Variants in CDC42EP1 observed in about 807,000 individuals in gnomAD.
The protein encoded by CDC42EP1 is 55 kDa bone marrow stromal/endothelial cell protein.
In CDC42EP1, 6 loss-of-function variants were observed where a neutral mutation model predicts 7.4. That is an observed-to-expected ratio of 0.81 (90% CI 0.44 to 1.60). The LOEUF is 1.60. CDC42EP1 is among the 40% of genes most tolerant of loss of function. CDC42EP1 has a pLI of 0.01. For synonymous variants in CDC42EP1, 238 were observed against 227.1 expected (o/e 1.05, Z -0.43); for missense variants, 567 against 539.0 (o/e 1.05, Z -0.51).
At chr22:37,561,506 C>T (rs1925039615) in intron 1 of CDC42EP1, among the ~76,000 whole-genome samples, 1 of 152,244 alleles carries the variant, frequency 6.6e-6, no homozygotes, top group African/African-American at 2.4e-5. Context: ...ATACGGAGGA[C>T]CGGGTCCCCT....
At chr22:37,560,818 G>C (rs890965381) in intron 1 of CDC42EP1, among the ~76,000 whole-genome samples, 2 of 152,022 alleles carry the variant, frequency 1.3e-5, no homozygotes, top group African/African-American at 4.8e-5. Flanking sequence ...TGGTGGAGGG[G>C]GCAGAGGATC....
chr22:37,567,209 G>C (rs1925277428), intron 2 of CDC42EP1, among the ~76,000 whole-genome samples: 1 of 152,112 alleles, frequency 6.6e-6, no homozygotes, highest in African/African-American at 2.4e-5. Flanking sequence ...CTGAATTTCA[G>C]GAAGTCAGTT....
In CDC42EP1 at chr22:37,568,832, A is replaced by C; in HGVS notation, c.*12A>C. 6.9e-7 allele frequency: 1 copy of C among 1,448,552 alleles called. No individual in the cohort carries two copies. Among genetic ancestry groups the C allele is most frequent in the Non-Finnish European group, 9.1e-7 (1 of 1,094,864 alleles). The allele number at this position is 1,448,552 out of a possible 1,614,324, so 89.7% of individuals were successfully genotyped here. ...AGGTCAAGGTGTGAGGGGCTGGGGC[A>C]CGGTCCCAGGGCCCCACCTAGGTGC... On this transcript the variant is annotated 3_prime_UTR_variant, in exon 3 of 3. Transcript: ENST00000249014.
In CDC42EP1 at chr22:37,563,940, G is replaced by A. The variant is rs11912966; in HGVS notation, c.-278-2132G>A. On this transcript the variant is annotated intron_variant, in intron 1 of 2. Coordinates refer to ENST00000249014, the MANE Select transcript of CDC42EP1 (RefSeq NM_152243.3). Reference sequence around the variant, plus strand: ...GGCACTTGTTAAGTGCAGAGCCCAAGCTAGATGCCCAAGGGAGAAAGGCAG... The same window carrying A: ...GGCACTTGTTAAGTGCAGAGCCCAAACTAGATGCCCAAGGGAGAAAGGCAG... Among the ~76,000 whole-genome samples the A allele has an allele frequency of 2.8e-3, 429 of 152,300 alleles. 2 individuals are homozygous for A. Among genetic ancestry groups the A allele is most frequent in the African/African-American group, 9.7e-3 (404 of 41,568 alleles).
chr22:37,560,560 T>G lies in CDC42EP1; in HGVS notation c.-307T>G, dbSNP rs1924996087. ...GCTGCAGACGACGAGTCCGCCCTCG[T>G]CCCGCGCCCCCGGGGCTCGCGGAGC... On this transcript the variant is annotated 5_prime_UTR_variant, in exon 1 of 3. Transcript: ENST00000249014. 6.7e-6 allele frequency: 1 copy of G among 148,548 alleles called. No individual in the cohort carries two copies. Among genetic ancestry groups the G allele is most frequent in the Non-Finnish European group, 1.5e-5 (1 of 66,800 alleles). 9.2% of individuals were successfully genotyped at this position (148,548 alleles called of 1,614,324 possible). A position where few individuals can be genotyped will look rare whatever the true frequency, so the allele number is the denominator to read the frequency against.
intron 1 of CDC42EP1, among the ~76,000 whole-genome samples, chr22:37,563,978 G>A (rs1300726650): frequency 2.0e-5 from 3 of 152,170 alleles, no homozygotes; most frequent in Non-Finnish European, 4.4e-5. Context: ...AAATCCAGGC[G>A]GCCTCCCCAC....
chr22:37,564,116 T>C (rs1925140946), intron 1 of CDC42EP1, among the ~76,000 whole-genome samples: 1 of 152,170 alleles, frequency 6.6e-6, no homozygotes, highest in Admixed American at 6.6e-5. Context: ...TAGCCAGCTT[T>C]GCCCTCAGTG....
In CDC42EP1 at chr22:37,560,543, C is replaced by T. The variant is rs1016341710; in HGVS notation, c.-324C>T. 6.7e-6 allele frequency: 1 copy of T among 150,120 alleles called. No homozygotes were observed. The allele number at this position is 150,120 out of a possible 1,614,324, so 9.3% of individuals were successfully genotyped here. A position where few individuals can be genotyped will look rare whatever the true frequency, so the allele number is the denominator to read the frequency against. On this transcript the variant is annotated 5_prime_UTR_variant, in exon 1 of 3. In the 5' UTR this introduces an upstream ATG that the reference lacks. Transcript: ENST00000249014. ...GACGCGCGGCCGCCGCCGCTGCAGA[C>T]GACGAGTCCGCCCTCGTCCCGCGCC...
intron 2 of CDC42EP1, among the ~76,000 whole-genome samples, chr22:37,567,559 A>G (rs949021758): frequency 6.6e-6 from 1 of 152,090 alleles, no homozygotes; most frequent in Non-Finnish European, 1.5e-5. Context: ...TCAGAACCGC[A>G]CTGAGGACTG....
chr22:37,562,204 A>T (rs1925067384), intron 1 of CDC42EP1, among the ~76,000 whole-genome samples: 1 of 152,158 alleles, frequency 6.6e-6, no homozygotes, highest in Non-Finnish European at 1.5e-5. Flanking sequence ...GGCATTTACC[A>T]GCAATGTTGG....
intron 1 of CDC42EP1, among the ~76,000 whole-genome samples, chr22:37,561,847 C>G (rs961805783): frequency 6.6e-6 from 1 of 152,202 alleles, no homozygotes; most frequent in Admixed American, 6.5e-5. Flanking sequence ...CGCCCCCGCT[C>G]TCCTTCAGAC....
intron 1 of CDC42EP1, among the ~76,000 whole-genome samples, chr22:37,563,207 T>C (rs5995463): frequency 0.42 from 64,345 of 151,944 alleles, 14,815 homozygotes; most frequent in African/African-American, 0.61. Flanking sequence ...GGAACACCCT[T>C]CCCGCTCCCA....
Position 37,568,324 on chromosome 22 carries a change from C to G in CDC42EP1, c.680C>G (p.Pro227Arg), listed in dbSNP as rs1925326733. The change falls in exon 3 of 3, where the codon CCC becomes CGC. Residue 227 changes from proline to arginine, a missense_variant. By Grantham distance (103) the Pro-to-Arg change is moderately radical. Coordinates refer to ENST00000249014, the MANE Select transcript of CDC42EP1 (RefSeq NM_152243.3). Reference sequence around the variant, plus strand: ...GCCCCTGCAGCTGAGACTCCAGCCCCCGCTGCAAACCCCCCAGCCCCTACT... The same window carrying G: ...GCCCCTGCAGCTGAGACTCCAGCCCGCGCTGCAAACCCCCCAGCCCCTACT... ...PEAPAAETPA[P>R]AANPPAPTAN... is the part of the protein sequence containing the mutation. 6.2e-6 allele frequency: 10 copies of G among 1,610,518 alleles called. No individual in the cohort carries two copies. The East Asian group carries it at 1.6e-4, about 25-fold the overall frequency.
In CDC42EP1 at chr22:37,560,575, G is replaced by T. The variant is rs1390077781; in HGVS notation, c.-292G>T. The T allele has an allele frequency of 6.7e-6, 1 of 150,108 alleles. No homozygotes were observed. The highest frequency in any genetic ancestry group is 2.4e-5 in the African/African-American group (1 of 41,196). The allele number at this position is 150,108 out of a possible 1,614,324, so 9.3% of individuals were successfully genotyped here. The stretch of plus-strand genomic sequence containing the variant: ...TCCGCCCTCGTCCCGCGCCCCCGGG[G>T]CTCGCGGAGCCAGGTAACAGCCCGG... On this transcript the variant is annotated 5_prime_UTR_variant, in exon 1 of 3. Coordinates refer to ENST00000249014, the MANE Select transcript of CDC42EP1 (RefSeq NM_152243.3).
rs372474822 is a variant in CDC42EP1, at chr22:37,568,784, T to C, written c.1140T>C (p.Phe380=). The C allele has an allele frequency of 6.7e-7, 1 of 1,496,304 alleles. No individual in the cohort carries two copies. Among genetic ancestry groups the C allele is most frequent in the South Asian group, 1.4e-5 (1 of 71,806 alleles). 92.7% of individuals were successfully genotyped at this position (1,496,304 alleles called of 1,614,324 possible). ...CAGTGCAAGCAAACACCTTTGAATTTGCGGATGCTGAGGAGGATGATGAGG... is the reference window on the plus strand; with the variant it reads ...CAGTGCAAGCAAACACCTTTGAATTCGCGGATGCTGAGGAGGATGATGAGG... ...PSTVQANTFE[F]ADAEEDDEVK... The change falls in exon 3 of 3, where the codon TTT becomes TTC. Residue 380 remains phenylalanine, a synonymous_variant. Coordinates refer to ENST00000249014, the MANE Select transcript of CDC42EP1 (RefSeq NM_152243.3).
intron 1 of CDC42EP1, among the ~76,000 whole-genome samples, chr22:37,564,057 G>A (rs1925139655): frequency 6.6e-6 from 1 of 152,248 alleles, no homozygotes; most frequent in Non-Finnish European, 1.5e-5. Flanking sequence ...GCTTATGTGA[G>A]TCAGAGGCTC....
Position 37,566,281 on chromosome 22 carries a change from A to T in CDC42EP1, c.-69A>T. On this transcript the variant is annotated 5_prime_UTR_variant, in exon 2 of 3. Coordinates refer to ENST00000249014, the MANE Select transcript of CDC42EP1 (RefSeq NM_152243.3). The surrounding 1 kb of genome is among the most constrained non-coding windows in gnomAD (Gnocchi z 6.4). ...GGCAAAGGAGCTGAGCAGCCATCCC[A>T]AGCCCAGCCCACCTCCCTCCCCCGG... 1 of 861,736 alleles carries T rather than the reference A, an allele frequency of 1.2e-6. No homozygotes were observed. Among genetic ancestry groups the T allele is most frequent in the Non-Finnish European group, 1.7e-6 (1 of 575,486 alleles). 53.4% of individuals were successfully genotyped at this position (861,736 alleles called of 1,614,324 possible).
chr22:37,566,304 C>G lies in CDC42EP1; in HGVS notation c.-46C>G. 9.3e-7 allele frequency: 1 copy of G among 1,072,782 alleles called. No homozygotes were observed. The highest frequency in any genetic ancestry group is 1.3e-6 in the Non-Finnish European group (1 of 783,134). The allele number at this position is 1,072,782 out of a possible 1,614,324, so 66.5% of individuals were successfully genotyped here. A position where few individuals can be genotyped will look rare whatever the true frequency, so the allele number is the denominator to read the frequency against. On this transcript the variant is annotated 5_prime_UTR_variant, in exon 2 of 3. Transcript: ENST00000249014. This position sits in a 1 kb window ranked among gnomAD's most constrained non-coding sequence, Gnocchi z 6.4. ...CCAAGCCCAGCCCACCTCCCTCCCC[C>G]GGCCCCTGGTAGGCATGGACTAGCA...
chr22:37,562,073 G>T (rs1363062359), intron 1 of CDC42EP1, among the ~76,000 whole-genome samples: 1 of 152,190 alleles, frequency 6.6e-6, no homozygotes, highest in Non-Finnish European at 1.5e-5. Context: ...CAGTGAATCT[G>T]CAGAGCTGGG....
Sources: allele counts gnomAD v4.1 joint callset (sites outside exome capture counted in the v4.1 genomes callset), GRCh38; gene constraint gnomAD v4.1.1; non-coding constraint Gnocchi (gnomAD v3.1); transcripts MANE v1.5; gene names NCBI Gene and HGNC (gene_info 2026-07-23, HGNC 2026-07-21).